The following VOPP1 variants were observed in gnomAD, a reference collection of about 807,000 sequenced individuals.
VOPP1 encodes VOPP1 WW domain binding protein.
A neutral mutation model predicts 23.5 loss-of-function variants in VOPP1; 8 were observed. The observed-to-expected ratio is 0.34, with a 90% CI of 0.20 to 0.61. VOPP1 has a LOEUF of 0.61. Among genes scored for constraint, VOPP1 ranks in the 20% least tolerant of loss-of-function variants. VOPP1 has a pLI of 0.78. For synonymous variants in VOPP1, 83 were observed against 97.3 expected, an observed-to-expected ratio of 0.85 and a Z score of 0.86; for missense variants, 174 against 238.1, an observed-to-expected ratio of 0.73 and a Z score of 1.77.
intron 4 of VOPP1, among the ~76,000 whole-genome samples, chr7:55,451,747 T>C (rs930693310): frequency 5.3e-5 from 8 of 152,222 alleles, no homozygotes; most frequent in Non-Finnish European, 1.0e-4. Context: ...GCCAAGATCG[T>C]GCCGCTGCAC....
chr7:55,537,677 T>C, intron 1 of VOPP1: 1 of 1,478,728 alleles, frequency 6.8e-7, no homozygotes, highest in Non-Finnish European at 9.0e-7. Context: ...CCTCCTCTGT[T>C]GAGTGGTGAG....
chr7:55,450,137 G>A (rs1248199813), intron 4 of VOPP1, among the ~76,000 whole-genome samples: 1 of 152,138 alleles, frequency 6.6e-6, no homozygotes, highest in Non-Finnish European at 1.5e-5. Context: ...CTCCTTCCAG[G>A]GACCCCTGAG....
chr7:55,458,413 G>A (rs941862663), intron 4 of VOPP1, among the ~76,000 whole-genome samples: 9 of 151,862 alleles, frequency 5.9e-5, no homozygotes, highest in African/African-American at 2.2e-4. Flanking sequence ...ATTCTTTTTT[G>A]ATTTCATATG....
At chr7:55,473,152 G>T (rs1011823215) in intron 4 of VOPP1, 107 bp from the exon 5 acceptor site, 2 of 1,475,706 alleles carry the variant, frequency 1.4e-6, no homozygotes, top group Admixed American at 6.0e-5. Flanking sequence ...TTCACTCAGC[G>T]ACAGTGTATG....
chr7:55,488,682 C>G (rs1053836330), intron 4 of VOPP1, among the ~76,000 whole-genome samples: 2 of 151,532 alleles, frequency 1.3e-5, no homozygotes, highest in Non-Finnish European at 3.0e-5. Flanking sequence ...GCCACTGCCC[C>G]CCCTGCCCCA....
At chr7:55,559,790 C>T (rs116222531) in intron 1 of VOPP1, among the ~76,000 whole-genome samples, 11 of 152,254 alleles carry the variant, frequency 7.2e-5, no homozygotes, top group African/African-American at 2.6e-4. Flanking sequence ...GTGGAACCGG[C>T]AAGTTCTCAT....
intron 1 of VOPP1, among the ~76,000 whole-genome samples, chr7:55,548,297 A>G (rs190265404): frequency 6.6e-6 from 1 of 152,332 alleles, no homozygotes; most frequent in Admixed American, 6.5e-5. Context: ...GGGCTCCAGG[A>G]AGATCTGCCA....
At chr7:55,564,834 G>C in intron 1 of VOPP1, among the ~76,000 whole-genome samples, 1 of 152,086 alleles carries the variant, frequency 6.6e-6, no homozygotes. Flanking sequence ...CTCTTTACAG[G>C]TGTATGTCAG....
At chr7:55,476,222 C>T (rs1258630269) in intron 4 of VOPP1, among the ~76,000 whole-genome samples, 1 of 152,242 alleles carries the variant, frequency 6.6e-6, no homozygotes, top group Non-Finnish European at 1.5e-5. Flanking sequence ...ACGTCATCAT[C>T]TCCTCCTCAG....
At chr7:55,552,676 T>C in intron 1 of VOPP1, 3 of 1,535,930 alleles carry the variant, frequency 2.0e-6, no homozygotes, top group Non-Finnish European at 2.6e-6. Context: ...CTTCCAACAA[T>C]GGGGGGCACT....
chr7:55,533,247 G>A (rs745512466), intron 1 of VOPP1, among the ~76,000 whole-genome samples: 2 of 152,132 alleles, frequency 1.3e-5, no homozygotes, highest in African/African-American at 4.8e-5. Context: ...GATGGAGGCC[G>A]GTCACTCAGT....
intron 1 of VOPP1, among the ~76,000 whole-genome samples, chr7:55,549,776 T>A (rs1377391970): frequency 6.6e-6 from 1 of 152,198 alleles, no homozygotes; most frequent in Non-Finnish European, 1.5e-5. Flanking sequence ...AAAGAACACC[T>A]CCTTCTTTCC....
rs538880184 is a variant in VOPP1 at position 55,438,252 on chromosome 7, A to G, written n.418-2078T>C. ...CTCTCCGAGGATGTTAATTTATCCA[A>G]CTGGTTAATGTATCCAACTGAGTAA... is the stretch of plus-strand genomic sequence containing the variant. On this transcript the variant is annotated intron_variant and non_coding_transcript_variant, in intron 4 of 4. Transcript: ENST00000462326. Among the ~76,000 whole-genome samples the G allele has an allele frequency of 5.5e-4, 83 of 152,202 alleles. 1 individual carries two copies. The highest frequency in any genetic ancestry group is 1.9e-3 in the African/African-American group (80 of 41,526).
At chr7:55,566,690 G>A (rs148100305) in intron 1 of VOPP1, among the ~76,000 whole-genome samples, 152 of 152,282 alleles carry the variant, frequency 1.0e-3, no homozygotes, top group African/African-American at 3.6e-3. Flanking sequence ...ACTTTGACTA[G>A]GAAATGTTGA....
intron 1 of VOPP1, among the ~76,000 whole-genome samples, chr7:55,546,308 C>T (rs1797365647): frequency 6.6e-6 from 1 of 152,120 alleles, no homozygotes; most frequent in Non-Finnish European, 1.5e-5. Context: ...AGGTAGCTCA[C>T]TAAGTTGAGA....
chr7:55,569,496 G>A (rs773902343), intron 1 of VOPP1, among the ~76,000 whole-genome samples: 9 of 152,168 alleles, frequency 5.9e-5, no homozygotes, highest in Non-Finnish European at 7.3e-5. Flanking sequence ...GCAGAGCATC[G>A]AGGTGGGGTA....
At chr7:55,450,953 C>T (rs1416611748) in intron 4 of VOPP1, among the ~76,000 whole-genome samples, 1 of 152,228 alleles carries the variant, frequency 6.6e-6, no homozygotes, top group Non-Finnish European at 1.5e-5. Flanking sequence ...GAAAACAGAC[C>T]AAGCCACGTT....
Position 55,533,609 on chromosome 7 carries a change from C to T in VOPP1, c.55-12479G>A, listed in dbSNP as rs193293598. 5.3e-5 allele frequency among the ~76,000 whole-genome samples: 8 copies of T among 152,284 alleles called. No homozygotes were observed. In the East Asian group the frequency reaches 1.5e-3, roughly 29 times the overall value. On this transcript the variant is annotated intron_variant, in intron 1 of 4. Transcript: ENST00000285279. Reference sequence around the variant, plus strand: ...TAGGGTCTCACTGCCTGGAAACTCCCCTGAGCCTCAGCTTCTTCAGATGGA... The same window carrying T: ...TAGGGTCTCACTGCCTGGAAACTCCTCTGAGCCTCAGCTTCTTCAGATGGA...
At chr7:55,550,249 C>T (rs372796105) in intron 1 of VOPP1, among the ~76,000 whole-genome samples, 1 of 152,202 alleles carries the variant, frequency 6.6e-6, no homozygotes, top group Admixed American at 6.5e-5. Flanking sequence ...CACTAGGTGC[C>T]GCAGTCTGGC....
Sources: allele counts gnomAD v4.1 joint callset (sites outside exome capture counted in the v4.1 genomes callset), GRCh38; gene constraint gnomAD v4.1.1; transcripts MANE v1.5; gene names NCBI Gene and HGNC (gene_info 2026-07-23, HGNC 2026-07-21).